ELOVL4: variants seen among roughly 807,000 people sequenced by gnomAD.
ELOVL4 encodes the protein very long chain fatty acid elongase 4.
ELOVL4 carries 18 observed loss-of-function variants against 42.1 expected under a neutral mutation model. The ratio of observed to expected loss-of-function variants is 0.43; its 90% CI spans 0.30 to 0.63. The LOEUF (loss-of-function observed/expected upper bound fraction) is 0.63, where lower values mean the gene tolerates loss of function less well. Ranked by LOEUF, ELOVL4 falls within the 30% of genes least tolerant of loss-of-function variation. The pLI, the probability that ELOVL4 is intolerant of heterozygous loss-of-function variation, is 0.15. For synonymous variants in ELOVL4, 117 were observed against 127.0 expected, an observed-to-expected ratio of 0.92 and a Z score of 0.53; for missense variants, 299 against 376.2, an observed-to-expected ratio of 0.79 and a Z score of 1.70.
intron 1 of ELOVL4, among the ~76,000 whole-genome samples, chr6:79,928,538 A>G (rs1385310757): frequency 6.6e-6 from 1 of 152,072 alleles, no homozygotes; most frequent in Admixed American, 6.6e-5. Context: ...TTTTCATTCA[A>G]CAGAGAAATT....
chr6:79,930,815 C>T (rs1210357902), intron 1 of ELOVL4, among the ~76,000 whole-genome samples: 1 of 151,996 alleles, frequency 6.6e-6, no homozygotes, highest in African/African-American at 2.4e-5. Context: ...AAATTAAATC[C>T]TCTCATTTGG....
At chr6:79,934,350 C>T (rs1314062323) in intron 1 of ELOVL4, among the ~76,000 whole-genome samples, 1 of 151,708 alleles carries the variant, frequency 6.6e-6, no homozygotes, top group African/African-American at 2.4e-5. Context: ...GGGTGCAGAA[C>T]AGAATCTATA....
At chr6:79,924,894 T>G (rs993130761) in intron 3 of ELOVL4, 58 bp downstream of exon 3, 3 of 1,012,456 alleles carry the variant, frequency 3.0e-6, no homozygotes, top group Non-Finnish European at 4.7e-6. Flanking sequence ...TTTCACAGAC[T>G]GGGGCCTATA....
intron 3 of ELOVL4, among the ~76,000 whole-genome samples, chr6:79,924,455 TACAAAA>T (rs1194952137): frequency 6.6e-6 from 1 of 152,186 alleles, no homozygotes; most frequent in Non-Finnish European, 1.5e-5. Context: ...ATTTTTGAGA[TACAAAA>T]ACAAATTTTA....
Position 79,947,293 on chromosome 6 carries a change from G to A in ELOVL4, c.-14C>T, listed in dbSNP as rs965976197. Reference sequence around the variant, plus strand: ...CAGGAGCCCCATCGCGGCGATGAGCGGGCGCTGGCGGCAGGAGAAAGCGGA... The same window carrying A: ...CAGGAGCCCCATCGCGGCGATGAGCAGGCGCTGGCGGCAGGAGAAAGCGGA... On this transcript the variant is annotated 5_prime_UTR_variant, in exon 1 of 6. Coordinates refer to ENST00000369816, the MANE Select transcript of ELOVL4 (RefSeq NM_022726.4). 1.9e-6 allele frequency: 3 copies of A among 1,601,206 alleles called. No individual in the cohort carries two copies. Among genetic ancestry groups the A allele is most frequent in the Non-Finnish European group, 2.6e-6 (3 of 1,170,864 alleles).
At chr6:79,919,152 C>T (rs1015452884) in intron 5 of ELOVL4, among the ~76,000 whole-genome samples, 1 of 152,032 alleles carries the variant, frequency 6.6e-6, no homozygotes, top group African/African-American at 2.4e-5. Context: ...ATCATCCTTT[C>T]CACAAACATC....
At chr6:79,934,663 TCAGACTTAC>T (rs1472905812) in intron 1 of ELOVL4, among the ~76,000 whole-genome samples, 6 of 152,192 alleles carry the variant, frequency 3.9e-5, no homozygotes, top group Non-Finnish European at 5.9e-5. Flanking sequence ...GACTCTCAAA[TCAGACTTAC>T]CAGCATTAGA....
chr6:79,924,622 G>A (rs910552095), intron 3 of ELOVL4, among the ~76,000 whole-genome samples: 2 of 151,998 alleles, frequency 1.3e-5, no homozygotes, highest in South Asian at 2.1e-4. Context: ...GATCCCTTGC[G>A]GCTGGGAGTT....
intron 1 of ELOVL4, among the ~76,000 whole-genome samples, chr6:79,937,629 C>T (rs967668944): frequency 1.3e-5 from 2 of 151,994 alleles, no homozygotes; most frequent in Non-Finnish European, 2.9e-5. Context: ...AGTAAGCATC[C>T]AATAAATGTT....
At position 79,946,696 on chromosome 6, in the gene ELOVL4, T is replaced by A. The variant is rs909310996; in HGVS notation, c.100+484A>T. On this transcript the variant is annotated intron_variant, in intron 1 of 5. Transcript: ENST00000369816. ...TAGATAGAAGAAAAGATTAGCAGGGTTCTGTCAAAGCGACCAGGAGGCTGA... is the reference window on the plus strand; with the variant it reads ...TAGATAGAAGAAAAGATTAGCAGGGATCTGTCAAAGCGACCAGGAGGCTGA... Among the ~76,000 whole-genome samples the A allele has an allele frequency of 6.6e-5, 10 of 152,280 alleles. No homozygotes were observed. In the East Asian group the frequency reaches 1.9e-3, roughly 29 times the overall value.
rs752093318 is a variant in ELOVL4 at position 79,916,439 on chromosome 6, A to T, written c.*169T>A. The T allele has an allele frequency of 3.2e-5, 23 of 724,734 alleles. No individual in the cohort carries two copies. The highest frequency in any genetic ancestry group is 4.8e-5 in the Non-Finnish European group (21 of 435,350). 44.9% of individuals were successfully genotyped at this position (724,734 alleles called of 1,614,324 possible). A position where few individuals can be genotyped will look rare whatever the true frequency, so the allele number is the denominator to read the frequency against. ...AAAATAAAAACTTCATAAATAAAAC[A>T]TCTGGGTATGGTATTAACACTTTAC... On this transcript the variant is annotated 3_prime_UTR_variant, in exon 6 of 6. Coordinates refer to ENST00000369816, the MANE Select transcript of ELOVL4 (RefSeq NM_022726.4).
chr6:79,924,744 A>G (rs1174308068), intron 3 of ELOVL4, among the ~76,000 whole-genome samples: 1 of 152,194 alleles, frequency 6.6e-6, no homozygotes, highest in Non-Finnish European at 1.5e-5. Context: ...CTGAGGCAGA[A>G]GGATCAATTG....
intron 3 of ELOVL4, among the ~76,000 whole-genome samples, chr6:79,922,324 C>A (rs1774273110): frequency 6.6e-6 from 1 of 151,976 alleles, no homozygotes; most frequent in Non-Finnish European, 1.5e-5. Flanking sequence ...CATAAATATC[C>A]AATCACAGCA....
chr6:79,919,292 A>C, intron 5 of ELOVL4, 128 bp downstream of exon 5: 1 of 1,063,410 alleles, frequency 9.4e-7, no homozygotes, highest in African/African-American at 1.6e-5. Context: ...CATAACTGCG[A>C]TATAGCTGGA....
At chr6:79,920,592 T>G (rs1307747975) in intron 4 of ELOVL4, among the ~76,000 whole-genome samples, 1 of 152,182 alleles carries the variant, frequency 6.6e-6, no homozygotes, top group Non-Finnish European at 1.5e-5. Flanking sequence ...AATCCAAAAC[T>G]TCATATACAC....
At chr6:79,938,746 G>A (rs1427005765) in intron 1 of ELOVL4, among the ~76,000 whole-genome samples, 1 of 152,144 alleles carries the variant, frequency 6.6e-6, no homozygotes. Flanking sequence ...TTCTTTAGAT[G>A]ATCTTTGGTA....
intron 1 of ELOVL4, among the ~76,000 whole-genome samples, chr6:79,942,146 C>T (rs939379172): frequency 6.6e-6 from 1 of 152,086 alleles, no homozygotes; most frequent in African/African-American, 2.4e-5. Context: ...GACATGTACA[C>T]ATTTTACTTA....
chr6:79,934,055 C>T (rs961032752), intron 1 of ELOVL4, among the ~76,000 whole-genome samples: 4 of 152,172 alleles, frequency 2.6e-5, no homozygotes, highest in East Asian at 1.9e-4. Context: ...TTGAACATCT[C>T]GCATCTGAGC....
At chr6:79,940,053 C>G (rs1453470341) in intron 1 of ELOVL4, among the ~76,000 whole-genome samples, 3 of 152,126 alleles carry the variant, frequency 2.0e-5, no homozygotes, top group African/African-American at 7.2e-5. Context: ...AATAATGCTG[C>G]TATGTACGTG....
Sources: allele counts gnomAD v4.1 joint callset (sites outside exome capture counted in the v4.1 genomes callset), GRCh38; gene constraint gnomAD v4.1.1; transcripts MANE v1.5; gene names NCBI Gene and HGNC (gene_info 2026-07-23, HGNC 2026-07-21).